The following LRP1B variants were observed in gnomAD, a reference collection of about 807,000 sequenced individuals.
LRP1B encodes low-density lipoprotein receptor-related protein 1B.
A neutral mutation model predicts 556.6 loss-of-function variants in LRP1B; 217 were observed. That is an observed-to-expected ratio of 0.39 (90% CI 0.35 to 0.44). The LOEUF (loss-of-function observed/expected upper bound fraction) is 0.44. LRP1B is among the 20% of genes least tolerant of loss of function. The pLI, the probability that LRP1B is intolerant of heterozygous loss-of-function variation, is 1.00. For missense variants in LRP1B, 5,053 were observed against 5,620.8 expected (o/e 0.90, Z 3.23); for synonymous variants, 2,047 against 1,865.8 (o/e 1.10, Z -2.50).
chr2:140,766,834 T>TC (rs1217991309), intron 35 of LRP1B, among the ~76,000 whole-genome samples: 1 of 24,066 alleles, frequency 4.2e-5, no homozygotes, highest in African/African-American at 7.7e-5. Context: ...TATATATATA[T>TC]ATATATATAT....
At chr2:140,758,971 G>A (rs2104910961) in intron 35 of LRP1B, among the ~76,000 whole-genome samples, 1 of 152,026 alleles carries the variant, frequency 6.6e-6, no homozygotes, top group African/African-American at 2.4e-5. Context: ...TTACTAGACT[G>A]GATCATCAGT....
chr2:140,315,900 G>C (rs1015504417), intron 82 of LRP1B, among the ~76,000 whole-genome samples: 3 of 152,030 alleles, frequency 2.0e-5, no homozygotes, highest in African/African-American at 7.2e-5. Context: ...ATTGAGATTT[G>C]GTACAAGTTG....
At chr2:142,102,784 T>C (rs368655645) in intron 1 of LRP1B, among the ~76,000 whole-genome samples, 1 of 151,762 alleles carries the variant, frequency 6.6e-6, no homozygotes. Context: ...CAAAAACTCA[T>C]AACCATAACA....
At chr2:140,905,954 TA>T (rs941799814) in intron 22 of LRP1B, among the ~76,000 whole-genome samples, 7 of 151,528 alleles carry the variant, frequency 4.6e-5, no homozygotes, top group South Asian at 2.1e-4. Context: ...AAAATTTCCC[TA>T]AAAAAAAATC....
intron 3 of LRP1B, among the ~76,000 whole-genome samples, chr2:141,295,170 T>C (rs1385231461): frequency 5.3e-5 from 8 of 152,162 alleles, no homozygotes; most frequent in African/African-American, 1.9e-4. Flanking sequence ...ATGTTATTTA[T>C]ATATTTCAAC....
chr2:141,158,767 G>A (rs759835138), intron 7 of LRP1B, among the ~76,000 whole-genome samples: 2 of 152,090 alleles, frequency 1.3e-5, no homozygotes, highest in South Asian at 2.1e-4. Context: ...TTCCAGTCTC[G>A]GAGAACATTA....
At chr2:141,207,946 G>A (rs372509044) in intron 6 of LRP1B, 6 of 152,376 alleles carry the variant, frequency 3.9e-5, no homozygotes, top group African/African-American at 1.4e-4. Flanking sequence ...AAAGTGCTAG[G>A]ATTACAGGCG....
intron 2 of LRP1B, among the ~76,000 whole-genome samples, chr2:141,578,344 C>A (rs1686833401): frequency 6.6e-6 from 1 of 150,572 alleles, no homozygotes. Flanking sequence ...TTGCAGTGAG[C>A]CAATATCGTG....
intron 41 of LRP1B, chr2:140,683,678 G>T: frequency 1.4e-6 from 1 of 704,822 alleles, no homozygotes; most frequent in Non-Finnish European, 2.6e-6. Context: ...TCTTCAGAAT[G>T]GGTGCCTTCA....
intron 42 of LRP1B, among the ~76,000 whole-genome samples, chr2:140,600,363 C>A (rs1682605967): frequency 6.6e-6 from 1 of 152,076 alleles, no homozygotes; most frequent in South Asian, 2.1e-4. Flanking sequence ...TTACATTGCT[C>A]AGTCTTAAGA....
chr2:140,285,012 C>T, intron 84 of LRP1B, among the ~76,000 whole-genome samples: 1 of 140,916 alleles, frequency 7.1e-6, no homozygotes, highest in South Asian at 2.3e-4. Flanking sequence ...AGATATCTCT[C>T]TGTGTGTGTG....
chr2:140,676,727 C>T (rs1046603058), intron 41 of LRP1B, among the ~76,000 whole-genome samples: 6 of 152,118 alleles, frequency 3.9e-5, no homozygotes, highest in Non-Finnish European at 7.4e-5. Flanking sequence ...GTTTAACTTA[C>T]GGTTCCAGAT....
intron 87 of LRP1B, among the ~76,000 whole-genome samples, chr2:140,239,823 A>G (rs895280541): frequency 2.6e-5 from 4 of 150,998 alleles, no homozygotes; most frequent in African/African-American, 9.7e-5. Context: ...TTCCCATCAC[A>G]CACATTTACT....
intron 5 of LRP1B, among the ~76,000 whole-genome samples, chr2:141,240,922 A>G (rs1458028115): frequency 6.6e-6 from 1 of 152,110 alleles, no homozygotes; most frequent in Non-Finnish European, 1.5e-5. Flanking sequence ...CACATAAAAC[A>G]CCATGGTTAT....
chr2:141,036,652 G>A (rs1698541240), intron 11 of LRP1B, among the ~76,000 whole-genome samples: 1 of 152,026 alleles, frequency 6.6e-6, no homozygotes, highest in South Asian at 2.1e-4. Flanking sequence ...CCCTGAGGGA[G>A]GGGTAAGAAA....
chr2:140,743,795 T>A (rs1178575015), intron 35 of LRP1B, among the ~76,000 whole-genome samples: 3 of 150,900 alleles, frequency 2.0e-5, no homozygotes, highest in Admixed American at 6.6e-5. Context: ...CTGTCTCTAC[T>A]AAAAATACAA....
intron 3 of LRP1B, among the ~76,000 whole-genome samples, chr2:141,265,048 G>C (rs115758254): frequency 6.6e-6 from 1 of 152,100 alleles, no homozygotes; most frequent in Non-Finnish European, 1.5e-5. Flanking sequence ...CACCTCCATC[G>C]GGCACCGAGC....
chr2:140,794,492 C>T (rs1160920179), intron 32 of LRP1B, among the ~76,000 whole-genome samples: 1 of 50,794 alleles, frequency 2.0e-5, no homozygotes, highest in African/African-American at 3.9e-5. Flanking sequence ...CACACACACA[C>T]ACACACACAC....
intron 2 of LRP1B, among the ~76,000 whole-genome samples, chr2:141,535,151 T>C (rs183217050): frequency 2.0e-5 from 3 of 152,246 alleles, no homozygotes; most frequent in Admixed American, 1.3e-4. Flanking sequence ...TCACTCTCCT[T>C]AGCGTCTGCT....
Sources: gnomAD v4.1 joint callset for allele counts (sites outside exome capture counted in the v4.1 genomes callset) on GRCh38, gnomAD v4.1.1 for gene constraint, MANE v1.5 for transcripts, NCBI Gene and HGNC (gene_info 2026-07-23, HGNC 2026-07-21) for gene names.